PICALM: variants seen among roughly 807,000 people sequenced by gnomAD.
The protein encoded by PICALM is phosphatidylinositol binding clathrin assembly protein, also known as phosphatidylinositol-binding clathrin assembly protein.
PICALM carries 40 observed loss-of-function variants against 80.5 expected under a neutral mutation model. The ratio of observed to expected loss-of-function variants is 0.50; its 90% CI spans 0.39 to 0.65. The LOEUF (loss-of-function observed/expected upper bound fraction) is 0.65. Among genes scored for constraint, PICALM ranks in the 30% least tolerant of loss-of-function variants. The probability of loss-of-function intolerance (pLI) is 0.00; values close to 1 mark genes in which losing one functional copy is unlikely to be tolerated. For missense variants in PICALM, 676 were observed against 778.9 expected (o/e 0.87, Z 1.57); for synonymous variants, 288 against 260.3 (o/e 1.11, Z -1.02).
chr11:86,040,215 T>C (rs2095934526), intron 1 of PICALM, among the ~76,000 whole-genome samples: 1 of 152,034 alleles, frequency 6.6e-6, no homozygotes, highest in Non-Finnish European at 1.5e-5. Flanking sequence ...AAAAAGGGGC[T>C]GTGGATGACC....
At chr11:86,046,320 C>G (rs2137187815) in intron 1 of PICALM, among the ~76,000 whole-genome samples, 1 of 152,304 alleles carries the variant, frequency 6.6e-6, no homozygotes, top group Non-Finnish European at 1.5e-5. Flanking sequence ...ATTCGAGATT[C>G]ATGATTCACC....
At chr11:86,016,946 G>A (rs554514309) in intron 4 of PICALM, among the ~76,000 whole-genome samples, 1 of 152,294 alleles carries the variant, frequency 6.6e-6, no homozygotes, top group South Asian at 2.1e-4. Flanking sequence ...CTAAGGCTGG[G>A]CGCGTTGGCT....
chr11:86,041,513 A>G (rs1223803328), intron 1 of PICALM, among the ~76,000 whole-genome samples: 1 of 151,818 alleles, frequency 6.6e-6, no homozygotes, highest in Non-Finnish European at 1.5e-5. Flanking sequence ...GGCAGAGGAA[A>G]GATGAGGAAC....
chr11:86,020,015 C>A (rs952165403), intron 4 of PICALM, among the ~76,000 whole-genome samples: 1 of 152,072 alleles, frequency 6.6e-6, no homozygotes, highest in Non-Finnish European at 1.5e-5. Flanking sequence ...TCTTCAGTGG[C>A]TTTCTCCTGA....
chr11:86,042,706 C>T (rs1310752145), intron 1 of PICALM, among the ~76,000 whole-genome samples: 2 of 149,836 alleles, frequency 1.3e-5, no homozygotes, highest in African/African-American at 2.5e-5. Flanking sequence ...ATACAGAAAC[C>T]TCATTTCCTA....
At chr11:85,993,449 A>AT (rs1233321060) in intron 12 of PICALM, among the ~76,000 whole-genome samples, 3 of 150,494 alleles carry the variant, frequency 2.0e-5, no homozygotes, top group African/African-American at 4.9e-5. Flanking sequence ...TAATTTTTTC[A>AT]TTTTTTTGAG....
chr11:86,011,916 T>C (rs895506375), intron 6 of PICALM, among the ~76,000 whole-genome samples: 4 of 150,718 alleles, frequency 2.7e-5, no homozygotes, highest in African/African-American at 9.7e-5. Flanking sequence ...AATGGCACGA[T>C]CTAGGCTCAC....
In PICALM at chr11:86,003,413, T is replaced by A; in HGVS notation, c.846A>T (p.Leu282Phe). The A allele has an allele frequency of 6.3e-7, 1 of 1,599,942 alleles. No individual in the cohort carries two copies. The highest frequency in any genetic ancestry group is 8.5e-7 in the Non-Finnish European group (1 of 1,169,606). The change falls in exon 9 of 20, where the codon TTA (leucine) becomes TTT (phenylalanine). Residue 282 changes from leucine (L) to phenylalanine (F), a missense_variant. This residue lies in a region of PICALM where 285 missense variants were observed against 395.4 expected (regional missense o/e 0.72). Coordinates refer to ENST00000393346, the MANE Select transcript of PICALM (RefSeq NM_007166.4). ...SSLLDALEQH[L>F]ASLEGKKIKD... ...TGATTTTCTTTCCTTCCAAGGAAGCTAAATGTTGTTCCAAAGCATCAAGAA... is the reference window on the plus strand; with the variant it reads ...TGATTTTCTTTCCTTCCAAGGAAGCAAAATGTTGTTCCAAAGCATCAAGAA...
intron 1 of PICALM, among the ~76,000 whole-genome samples, chr11:86,062,016 C>A (rs1278815925): frequency 6.6e-6 from 1 of 152,056 alleles, no homozygotes; most frequent in Non-Finnish European, 1.5e-5. Context: ...TCTGAAAAGG[C>A]TATAGACTGT....
intron 10 of PICALM, 63 bp downstream of exon 10, chr11:86,000,972 G>A: frequency 6.3e-7 from 1 of 1,581,408 alleles, no homozygotes. Context: ...CTGTGCAGAG[G>A]CCCCATTTAC....
At chr11:86,013,707 A>G (rs2095436323) in intron 5 of PICALM, among the ~76,000 whole-genome samples, 1 of 152,242 alleles carries the variant, frequency 6.6e-6, no homozygotes, top group African/African-American at 2.4e-5. Flanking sequence ...GGACCCTGAG[A>G]TTCTATACAA....
Position 85,981,179 on chromosome 11 carries a change from T to C in PICALM, c.1729A>G (p.Asn577Asp). The change falls in exon 17 of 20, where the codon AAC becomes GAC. Residue 577 changes from asparagine (N) to aspartate (D), a missense_variant. Asn to Asp is a conservative substitution (Grantham distance 23). This residue lies in a region of PICALM where 391 missense variants were observed against 383.6 expected (regional missense o/e 1.02). Coordinates refer to ENST00000393346, the MANE Select transcript of PICALM (RefSeq NM_007166.4). ...GTTGGTGCAACCTTTGGTTGCCAGTTAGATCCCCCAGTTAACTTCTTTTCA... is the reference window on the plus strand; with the variant it reads ...GTTGGTGCAACCTTTGGTTGCCAGTCAGATCCCCCAGTTAACTTCTTTTCA... ...PGEKKLTGGS[N>D]WQPKVAPTTA... The C allele has an allele frequency of 6.2e-7, 1 of 1,610,510 alleles. No homozygotes were observed. Among genetic ancestry groups the C allele is most frequent in the East Asian group, 2.2e-5 (1 of 44,854 alleles).
At chr11:85,993,707 G>A (rs2094868373) in intron 12 of PICALM, among the ~76,000 whole-genome samples, 1 of 151,988 alleles carries the variant, frequency 6.6e-6, no homozygotes, top group Admixed American at 6.6e-5. Flanking sequence ...CCAAAGTGCT[G>A]GGATTACAGG....
rs750340619 is a variant in PICALM at position 86,022,375 on chromosome 11, C to T, written c.444G>A (p.Val148=). 6 of 1,561,734 alleles carry T rather than the reference C, an allele frequency of 3.8e-6. No individual in the cohort carries two copies. The highest frequency in any genetic ancestry group is 1.4e-5 in the African/African-American group (1 of 73,290). ...AAAAAAGCTTAACTCACCCTCTCTT[C>T]ACTTTTGTGAAATCAAATGCAACTT... is the stretch of plus-strand genomic sequence containing the variant. ...YRQVAFDFTK[V]KRGADGVMRT... Residue 148 remains valine, a synonymous_variant, in exon 4 of 20, where the codon GTG becomes GTA. Transcript: ENST00000393346.
chr11:85,982,272 A>T (rs1434126832), intron 14 of PICALM: 1 of 297,508 alleles, frequency 3.4e-6, no homozygotes, highest in Non-Finnish European at 6.4e-6. Context: ...GAGAAGTATT[A>T]TAAAAGAGAA....
chr11:86,017,077 G>GC (rs2095492066), intron 4 of PICALM, among the ~76,000 whole-genome samples: 1 of 152,092 alleles, frequency 6.6e-6, no homozygotes, highest in Non-Finnish European at 1.5e-5. Context: ...ACAAAAAGTA[G>GC]CCGGGCACAG....
intron 3 of PICALM, among the ~76,000 whole-genome samples, chr11:86,025,189 C>T (rs1377914158): frequency 6.6e-6 from 1 of 152,162 alleles, no homozygotes; most frequent in Non-Finnish European, 1.5e-5. Context: ...ATCATGAGGT[C>T]AAGAGATGCA....
At position 86,000,660 on chromosome 11, in the gene PICALM, G is replaced by A. The variant is rs773727882; in HGVS notation, c.1137C>T (p.Thr379=). The A allele has an allele frequency of 6.2e-7, 1 of 1,611,816 alleles. No individual in the cohort carries two copies. Among genetic ancestry groups the A allele is most frequent in the East Asian group, 2.2e-5 (1 of 44,874 alleles). Reference sequence around the variant, plus strand: ...ACTCCTACCTGTTAGAAGAACTAGGGGTAGAAAATATGTCAATGGCTGGTG... The same window carrying A: ...ACTCCTACCTGTTAGAAGAACTAGGAGTAGAAAATATGTCAATGGCTGGTG... ...MTAPAIDIFS[T]PSSSNSTSKL... The change falls in exon 11 of 20, where the codon ACC becomes ACT. Residue 379 remains threonine, a synonymous_variant. Transcript: ENST00000393346.
rs115065007 is a variant in PICALM, at chr11:86,054,356, A to G, written c.130+14295T>C. Among the ~76,000 whole-genome samples, 1,247 of 152,310 alleles carry G rather than the reference A, an allele frequency of 8.2e-3. 20 individuals carry two copies. The highest frequency in any genetic ancestry group is 0.028 in the African/African-American group (1,161 of 41,566). ...CTAAAGCTAGGGAAGCAGCTAATAA[A>G]TGGGAGAAAGGAGGGCTCTAAAATG... is the stretch of plus-strand genomic sequence containing the variant. On this transcript the variant is annotated intron_variant, in intron 1 of 19. Transcript: ENST00000393346.
Sources: gnomAD v4.1 joint callset for allele counts (sites outside exome capture counted in the v4.1 genomes callset) on GRCh38, gnomAD v4.1.1 for gene constraint, gnomAD v4.1.1 regional missense constraint, MANE v1.5 for transcripts, NCBI Gene and HGNC (gene_info 2026-07-23, HGNC 2026-07-21) for gene names.